Variants in USP7 observed in about 807,000 individuals in gnomAD.
The protein encoded by USP7 is ubiquitin specific peptidase 7.
USP7 carries 9 observed loss-of-function variants against 162.9 expected under a neutral mutation model. The ratio of observed to expected loss-of-function variants is 0.06; its 90% confidence interval spans 0.03 to 0.10. The LOEUF is 0.10. USP7 is among the 10% of genes least tolerant of loss of function. USP7 has a pLI of 1.00. For synonymous variants in USP7, 562 were observed against 475.9 expected, an observed-to-expected ratio of 1.18 and a Z score of -2.35; for missense variants, 715 against 1,373.7, an observed-to-expected ratio of 0.52 and a Z score of 7.58.
chr16:8,909,845 G>A (rs772979828), intron 11 of USP7, among the ~76,000 whole-genome samples: 1 of 152,088 alleles, frequency 6.6e-6, no homozygotes, highest in East Asian at 1.9e-4. Context: ...AGAATCACTT[G>A]AACCCAGGAG....
At chr16:8,903,191 C>A in intron 16 of USP7, 77 bp downstream of exon 16, 1 of 1,545,996 alleles carries the variant, frequency 6.5e-7, no homozygotes, top group Non-Finnish European at 8.8e-7. Flanking sequence ...CAAAGGCAAT[C>A]AGTATTTTCT....
rs542875702 is a variant in USP7, at chr16:8,942,050, G to A, written c.80-11653C>T. On this transcript the variant is annotated intron_variant, in intron 1 of 30. Coordinates refer to ENST00000344836, the MANE Select transcript of USP7 (RefSeq NM_003470.3). ...AAGCACAGAGTGCAAGAAGCCTGCCGGCCAGAGATGGAAAAGTGCAGTCCA... is the reference window on the plus strand; with the variant it reads ...AAGCACAGAGTGCAAGAAGCCTGCCAGCCAGAGATGGAAAAGTGCAGTCCA... Among the ~76,000 whole-genome samples the A allele has an allele frequency of 6.4e-4, 98 of 152,330 alleles. No homozygotes were observed. The South Asian group carries it at 0.018, about 28-fold the overall frequency.
intron 1 of USP7, among the ~76,000 whole-genome samples, chr16:8,954,188 G>A (rs1596415756): frequency 2.6e-5 from 3 of 114,894 alleles, no homozygotes; most frequent in Admixed American, 9.0e-5. Flanking sequence ...TGCCACTGGA[G>A]GCAGAGGGAA....
At position 8,899,106 on chromosome 16, in the gene USP7, A is replaced by C; in HGVS notation, c.2531+15T>G. The C allele has an allele frequency of 6.2e-7, 1 of 1,613,898 alleles. No homozygotes were observed. Among genetic ancestry groups the C allele is most frequent in the East Asian group, 2.2e-5 (1 of 44,904 alleles). ...TGCAGTCAAGACCAAGCAAGTGTCC[A>C]CACATGTGACCTACCCTTGAGACTT... is the stretch of plus-strand genomic sequence containing the variant. On this transcript the variant is annotated intron_variant, in intron 23 of 30. Transcript: ENST00000344836.
chr16:8,963,181 C>T (rs1900090368), intron 1 of USP7, 26 bp downstream of exon 1: 3 of 1,399,876 alleles, frequency 2.1e-6, no homozygotes, highest in Non-Finnish European at 2.8e-6. Context: ...CCCCCGGCCC[C>T]GCCGCGGCCG....
intron 15 of USP7, among the ~76,000 whole-genome samples, chr16:8,903,641 C>T (rs1337621399): frequency 6.6e-6 from 1 of 152,154 alleles, no homozygotes; most frequent in East Asian, 1.9e-4. Context: ...CCGAGGCGGG[C>T]GGATCACCTG....
intron 2 of USP7, among the ~76,000 whole-genome samples, chr16:8,925,916 A>T (rs1395706512): frequency 1.3e-5 from 2 of 152,188 alleles, no homozygotes; most frequent in Admixed American, 1.3e-4. Context: ...GCACTTTGGG[A>T]GGCAGAGGCG....
intron 25 of USP7, 66 bp from the exon 26 acceptor site, chr16:8,897,165 A>G (rs1039624727): frequency 1.6e-4 from 207 of 1,262,774 alleles, no homozygotes; most frequent in Middle Eastern, 3.8e-4. Context: ...CCACAAAGGA[A>G]GAGAGGAGAA....
In USP7 at chr16:8,901,131, G is replaced by A. The variant is rs760711890; in HGVS notation, c.2140+11C>T. On this transcript the variant is annotated intron_variant, in intron 19 of 30. Coordinates refer to ENST00000344836, the MANE Select transcript of USP7 (RefSeq NM_003470.3). ...AAATCTACTCAGAAGGTAAGTGCAC[G>A]AAGGACTTACGTATTTTACAGGATA... 8.1e-6 allele frequency: 13 copies of A among 1,611,694 alleles called. No individual in the cohort carries two copies. Among genetic ancestry groups the A allele is most frequent in the East Asian group, 2.2e-5 (1 of 44,852 alleles).
Position 8,921,173 on chromosome 16 carries a change from T to C in USP7, c.506A>G (p.Asn169Ser), listed in dbSNP as rs766023368. The C allele has an allele frequency of 3.1e-6, 5 of 1,613,812 alleles. No individual in the cohort carries two copies. The highest frequency in any genetic ancestry group is 1.1e-5 in the South Asian group (1 of 91,082). ...GTTACTTACACTCCAGGCCATAAAA[T>C]TGGAAAATCCCCAATCATTTTCTTT... The part of the protein sequence containing the change: ...FHKENDWGFS[N>S]FMAWSEVTDP... Residue 169 changes from asparagine to serine, a missense_variant, in exon 4 of 31, where the codon AAT becomes AGT. This residue lies in a region of USP7 where 35 missense variants were observed against 101.0 expected (regional missense o/e 0.35). Coordinates refer to ENST00000344836, the MANE Select transcript of USP7 (RefSeq NM_003470.3).
intron 8 of USP7, 106 bp downstream of exon 8, chr16:8,916,396 G>C (rs556598018): frequency 1.7e-6 from 2 of 1,181,492 alleles, no homozygotes; most frequent in East Asian, 5.3e-5. Context: ...CCTAAACAAA[G>C]ATGGGCATTT....
intron 1 of USP7, among the ~76,000 whole-genome samples, chr16:8,952,850 TA>T (rs1899620804): frequency 6.6e-6 from 1 of 151,728 alleles, no homozygotes; most frequent in Admixed American, 6.6e-5. Context: ...TTTTTTTTTT[TA>T]AGACGGAGTC....
In USP7 at chr16:8,919,043, A is replaced by G; in HGVS notation, c.708T>C (p.Asn236=). ...NSLLQTLFFT[N]QLRKAVYMMP... is the part of the protein sequence containing the mutation. ...ACTATCCATTTACCTTTCGTAGCTG[A>G]TTCGTGAAAAATAACGTCTGTAGCA... Residue 236 remains asparagine (N), a synonymous_variant, in exon 6 of 31, where the codon AAT becomes AAC. Transcript: ENST00000344836. 1 of 1,613,688 alleles carries G rather than the reference A, an allele frequency of 6.2e-7. No homozygotes were observed. Among genetic ancestry groups the G allele is most frequent in the Non-Finnish European group, 8.5e-7 (1 of 1,179,998 alleles).
At chr16:8,959,620 G>A (rs746763855) in intron 1 of USP7, among the ~76,000 whole-genome samples, 97 of 152,190 alleles carry the variant, frequency 6.4e-4, no homozygotes, top group Non-Finnish European at 9.3e-4. Context: ...AGAAGCCAAT[G>A]TAAGGAAAAT....
chr16:8,900,407 A>C (rs955208137), intron 21 of USP7, 123 bp downstream of exon 21: 2 of 598,574 alleles, frequency 3.3e-6, no homozygotes, highest in Admixed American at 3.6e-5. Context: ...CTCAACAGTT[A>C]CATTAAAAAA....
At chr16:8,956,551 G>C (rs1423280782) in intron 1 of USP7, among the ~76,000 whole-genome samples, 2 of 152,178 alleles carry the variant, frequency 1.3e-5, no homozygotes, top group African/African-American at 4.8e-5. Context: ...GACTGCCTGA[G>C]CTCAGGAGGT....
At chr16:8,899,841 C>T (rs1342393446) in intron 21 of USP7, 84 bp from the exon 22 acceptor site, 3 of 1,462,608 alleles carry the variant, frequency 2.1e-6, no homozygotes, top group East Asian at 2.3e-5. Context: ...TTTTACACAA[C>T]AGTGACACCA....
At chr16:8,895,524 C>T (rs1370426429) in intron 27 of USP7, 118 bp downstream of exon 27, 6 of 911,228 alleles carry the variant, frequency 6.6e-6, no homozygotes, top group South Asian at 2.9e-5. Flanking sequence ...TCATATACCT[C>T]GATTACTGGT....
intron 1 of USP7, among the ~76,000 whole-genome samples, chr16:8,932,289 G>A (rs1258812468): frequency 1.3e-5 from 2 of 152,122 alleles, no homozygotes; most frequent in East Asian, 3.8e-4. Context: ...TTTCTGGTCC[G>A]ACCCGTGGCT....
Sources: gnomAD v4.1 joint callset for allele counts (sites outside exome capture counted in the v4.1 genomes callset) on GRCh38, gnomAD v4.1.1 for gene constraint, gnomAD v4.1.1 regional missense constraint, MANE v1.5 for transcripts, NCBI Gene and HGNC (gene_info 2026-07-23, HGNC 2026-07-21) for gene names.